PCDH9: variants seen among roughly 807,000 people sequenced by gnomAD.
PCDH9 encodes the protein protocadherin 9.
In PCDH9, 24 loss-of-function variants were observed where a neutral mutation model predicts 70.6. The observed-to-expected ratio is 0.34, with a 90% CI of 0.25 to 0.48. PCDH9 has a LOEUF of 0.48. PCDH9 is among the 20% of genes least tolerant of loss of function. The pLI, the probability that PCDH9 is intolerant of heterozygous loss-of-function variation, is 0.99. For synonymous variants in PCDH9, 562 were observed against 558.5 expected (o/e 1.01, Z -0.09); for missense variants, 1,281 against 1,503.6 (o/e 0.85, Z 2.45).
intron 4 of PCDH9, among the ~76,000 whole-genome samples, chr13:66,478,040 C>A (rs899642034): frequency 3.3e-5 from 5 of 152,142 alleles, no homozygotes; most frequent in African/African-American, 1.2e-4. Context: ...ACCATTTCTG[C>A]AGCAGGATGT....
intron 4 of PCDH9, among the ~76,000 whole-genome samples, chr13:66,361,100 C>T (rs1281368957): frequency 6.6e-6 from 1 of 152,048 alleles, no homozygotes; most frequent in Non-Finnish European, 1.5e-5. Flanking sequence ...TCTATTAAGT[C>T]AGTGGGGCAT....
At chr13:66,827,362 A>G (rs912374051) in intron 3 of PCDH9, among the ~76,000 whole-genome samples, 1 of 127,328 alleles carries the variant, frequency 7.9e-6, no homozygotes, top group African/African-American at 2.9e-5. Flanking sequence ...GAAAATGGCA[A>G]AAAAAAAAAA....
chr13:66,465,309 T>C (rs969138717), intron 4 of PCDH9, among the ~76,000 whole-genome samples: 6 of 151,840 alleles, frequency 4.0e-5, no homozygotes, highest in African/African-American at 1.4e-4. Flanking sequence ...AATTTACATA[T>C]AGAAATTTTG....
Position 67,228,263 on chromosome 13 carries a change from C to A in PCDH9, c.178G>T (p.Ala60Ser), listed in dbSNP as rs576031337. Residue 60 changes from alanine (A) to serine (S), a missense_variant, in exon 2 of 5, where the codon GCC (alanine) becomes TCC (serine). Ala to Ser is a moderately conservative substitution (Grantham distance 99). Around this residue, in one of 4 missense-constraint regions of PCDH9, gnomAD observed 798 missense variants for 1,003.1 expected, o/e 0.80. Transcript: ENST00000377865. ...SHINAATGTS[A>S]SLVYRLVSKA... ...GAAACCAGTCTGTAGACAAGGCTGG[C>A]GCTGGTCCCTGTGGCAGCATTGATG... The A allele has an allele frequency of 4.3e-6, 7 of 1,613,552 alleles. No homozygotes were observed. The highest frequency in any genetic ancestry group is 5.1e-6 in the Non-Finnish European group (6 of 1,179,774).
intron 2 of PCDH9, among the ~76,000 whole-genome samples, chr13:67,027,830 AC>A (rs202047323): frequency 9.4e-5 from 9 of 95,716 alleles, no homozygotes; most frequent in Non-Finnish European, 1.4e-4. Flanking sequence ...GCTCACCATC[AC>A]TGGCCATCAG....
At chr13:66,503,410 C>G (rs1959187421) in intron 4 of PCDH9, among the ~76,000 whole-genome samples, 1 of 152,162 alleles carries the variant, frequency 6.6e-6, no homozygotes, top group South Asian at 2.1e-4. Flanking sequence ...TCTGCATTTA[C>G]CAATCACACA....
At chr13:67,025,011 A>G (rs911937622) in intron 2 of PCDH9, among the ~76,000 whole-genome samples, 1 of 152,096 alleles carries the variant, frequency 6.6e-6, no homozygotes, top group Non-Finnish European at 1.5e-5. Context: ...AAGCTAATTA[A>G]CAAAAGTATT....
intron 3 of PCDH9, among the ~76,000 whole-genome samples, chr13:66,766,023 CTT>C (rs1184829889): frequency 6.6e-6 from 1 of 151,804 alleles, no homozygotes; most frequent in Non-Finnish European, 1.5e-5. Flanking sequence ...AGGGGGATCT[CTT>C]ATATAGTCTA....
At chr13:66,555,398 G>T in intron 4 of PCDH9, among the ~76,000 whole-genome samples, 1 of 140,132 alleles carries the variant, frequency 7.1e-6, no homozygotes, top group South Asian at 2.4e-4. Context: ...TTTATCATCT[G>T]AATAGTGGCT....
At chr13:66,566,655 T>C (rs906422740) in intron 4 of PCDH9, among the ~76,000 whole-genome samples, 4 of 152,186 alleles carry the variant, frequency 2.6e-5, no homozygotes, top group Non-Finnish European at 4.4e-5. Flanking sequence ...TGTCAGGAAT[T>C]TAATAGTTGA....
rs916129778 is a variant in PCDH9, at chr13:66,662,964, A to G, written c.3139-31553T>C. Among the ~76,000 whole-genome samples the G allele has an allele frequency of 3.3e-5, 5 of 152,348 alleles. No individual in the cohort carries two copies. In the South Asian group the frequency reaches 8.3e-4, roughly 25 times the overall value. ...ATATCAAGAGTTCCCTTATAGATTT[A>G]AAAAGAAATAACAGTGTATATATGA... On this transcript the variant is annotated intron_variant, in intron 3 of 4. Coordinates refer to ENST00000377865, the MANE Select transcript of PCDH9 (RefSeq NM_203487.3).
intron 3 of PCDH9, among the ~76,000 whole-genome samples, chr13:66,878,989 G>A (rs2081872807): frequency 6.6e-6 from 1 of 152,118 alleles, no homozygotes. Context: ...AATAACGTAC[G>A]ATTATGATAC....
intron 2 of PCDH9, chr13:67,216,125 G>T (rs1198813296): frequency 6.6e-6 from 1 of 152,096 alleles, no homozygotes; most frequent in East Asian, 1.9e-4. Flanking sequence ...CCTGAGGAGT[G>T]TTGCTCCCAG....
At chr13:66,357,408 GA>G (rs1956401770) in intron 4 of PCDH9, among the ~76,000 whole-genome samples, 1 of 152,018 alleles carries the variant, frequency 6.6e-6, no homozygotes, top group South Asian at 2.1e-4. Context: ...GGTTGTTAGG[GA>G]AATTTTATTT....
At chr13:66,906,366 G>C (rs2082360504) in intron 2 of PCDH9, among the ~76,000 whole-genome samples, 1 of 152,172 alleles carries the variant, frequency 6.6e-6, no homozygotes, top group Admixed American at 6.5e-5. Context: ...TTTCAGAACA[G>C]ACAGAAACTA....
chr13:66,938,502 C>T (rs562594126), intron 2 of PCDH9, among the ~76,000 whole-genome samples: 1 of 152,252 alleles, frequency 6.6e-6, no homozygotes, highest in Admixed American at 6.5e-5. Flanking sequence ...CAAGCTGTGG[C>T]AAACCCTGTG....
chr13:66,687,667 A>T (rs2078423471), intron 3 of PCDH9, among the ~76,000 whole-genome samples: 1 of 152,156 alleles, frequency 6.6e-6, no homozygotes, highest in Non-Finnish European at 1.5e-5. Context: ...ATGAGTAGAT[A>T]TGCAAACCCA....
At chr13:67,190,407 C>T (rs1341528887) in intron 2 of PCDH9, among the ~76,000 whole-genome samples, 1 of 151,964 alleles carries the variant, frequency 6.6e-6, no homozygotes, top group Non-Finnish European at 1.5e-5. Flanking sequence ...GTCTGCTAGA[C>T]TTCTTTATGG....
At chr13:67,068,128 G>A (rs1004408893) in intron 2 of PCDH9, among the ~76,000 whole-genome samples, 3 of 151,966 alleles carry the variant, frequency 2.0e-5, no homozygotes, top group Non-Finnish European at 4.4e-5. Flanking sequence ...AAAATCATAA[G>A]CAATAGTGTT....
Sources: gnomAD v4.1 joint callset for allele counts (sites outside exome capture counted in the v4.1 genomes callset) on GRCh38, gnomAD v4.1.1 for gene constraint, gnomAD v4.1.1 regional missense constraint, MANE v1.5 for transcripts, NCBI Gene and HGNC (gene_info 2026-07-23, HGNC 2026-07-21) for gene names.